The following NAV2 variants were observed in gnomAD, a reference collection of about 807,000 sequenced individuals.
The protein encoded by NAV2 is helicase, APC down-regulated 1.
A neutral mutation model predicts 223.2 loss-of-function variants in NAV2; 54 were observed. The ratio of observed to expected loss-of-function variants is 0.24; its 90% CI spans 0.19 to 0.30. The LOEUF (loss-of-function observed/expected upper bound fraction) is 0.30. Ranked by LOEUF, NAV2 falls within the 10% of genes least tolerant of loss-of-function variation. The pLI, the probability that NAV2 is intolerant of heterozygous loss-of-function variation, is 1.00. For synonymous variants in NAV2, 1,279 were observed against 1,239.3 expected (o/e 1.03, Z -0.67); for missense variants, 2,806 against 3,147.5 (o/e 0.89, Z 2.60).
chr11:19,451,693 G>A (rs751759487), intron 1 of NAV2, among the ~76,000 whole-genome samples: 45 of 152,238 alleles, frequency 3.0e-4, no homozygotes, highest in Admixed American at 1.0e-3. Flanking sequence ...CTGTCCTGAG[G>A]ATGTTTTAGC....
intron 1 of NAV2, among the ~76,000 whole-genome samples, chr11:19,821,901 A>G (rs2059399407): frequency 6.6e-6 from 1 of 152,170 alleles, no homozygotes; most frequent in African/African-American, 2.4e-5. Flanking sequence ...TGGGCCCCTC[A>G]GTAACAGTGT....
At chr11:19,489,008 C>A (rs564590133) in intron 1 of NAV2, among the ~76,000 whole-genome samples, 1 of 152,350 alleles carries the variant, frequency 6.6e-6, no homozygotes, top group African/African-American at 2.4e-5. Flanking sequence ...CATTGGGAAT[C>A]TGCTCTCAGG....
At chr11:19,805,137 G>T (rs550655088) in intron 1 of NAV2, among the ~76,000 whole-genome samples, 1 of 152,172 alleles carries the variant, frequency 6.6e-6, no homozygotes, top group Non-Finnish European at 1.5e-5. Context: ...GAATCTGGAT[G>T]CATGCTGACA....
At chr11:19,776,573 C>CA (rs2056179520) in intron 1 of NAV2, among the ~76,000 whole-genome samples, 2 of 78,440 alleles carry the variant, frequency 2.5e-5, no homozygotes, top group African/African-American at 1.6e-4. Flanking sequence ...TGGGCTGGGG[C>CA]AGGGGTGTGT....
chr11:19,866,846 C>T (rs546015162), intron 3 of NAV2, among the ~76,000 whole-genome samples: 2 of 152,012 alleles, frequency 1.3e-5, no homozygotes, highest in Non-Finnish European at 2.9e-5. Context: ...TAAGAGATTC[C>T]GGGATGGTGA....
chr11:19,589,679 C>T (rs1028352750), intron 1 of NAV2, among the ~76,000 whole-genome samples: 2 of 152,158 alleles, frequency 1.3e-5, no homozygotes, highest in African/African-American at 4.8e-5. Flanking sequence ...AAGTGAGGCT[C>T]CAGCCAAGAG....
At chr11:20,081,001 T>C (rs1385228860) in intron 25 of NAV2, among the ~76,000 whole-genome samples, 1 of 152,238 alleles carries the variant, frequency 6.6e-6, no homozygotes, top group Non-Finnish European at 1.5e-5. Context: ...GATCTGGAGT[T>C]GACCAGTGGC....
intron 23 of NAV2, 139 bp from the exon 24 acceptor site, chr11:20,077,854 T>C: frequency 1.4e-6 from 1 of 731,710 alleles, no homozygotes; most frequent in Admixed American, 2.6e-5. Flanking sequence ...TATGTGTTTG[T>C]TCATGCCTGT....
At position 19,880,060 on chromosome 11, in the gene NAV2, G is replaced by T. The variant is rs774384140; in HGVS notation, c.703G>T (p.Ala235Ser). 1 of 1,613,294 alleles carries T rather than the reference G, an allele frequency of 6.2e-7. No homozygotes were observed. Among genetic ancestry groups the T allele is most frequent in the South Asian group, 1.1e-5 (1 of 90,986 alleles). Residue 235 changes from alanine (A) to serine (S), a missense_variant, in exon 5 of 38, where the codon GCC becomes TCC. This residue lies in a region of NAV2 where 1,167 missense variants were observed against 1,180.5 expected (regional missense o/e 0.99). Coordinates refer to ENST00000349880, the MANE Select transcript of NAV2 (RefSeq NM_145117.5). Reference sequence around the variant, plus strand: ...GCAGCAGGTGCCAGTCACTCCCCAAGCCCCGTGCCAGCCTCACCAGCCAGC... The same window carrying T: ...GCAGCAGGTGCCAGTCACTCCCCAATCCCCGTGCCAGCCTCACCAGCCAGC... ...PQQQVPVTPQAPCQPHQPAPH... is the reference protein window; with the variant it reads ...PQQQVPVTPQSPCQPHQPAPH...
At chr11:19,823,044 T>C (rs1460367777) in intron 1 of NAV2, among the ~76,000 whole-genome samples, 1 of 152,154 alleles carries the variant, frequency 6.6e-6, no homozygotes, top group Non-Finnish European at 1.5e-5. Context: ...TATGTGCTCT[T>C]ACTTTATACA....
chr11:19,673,390 G>A (rs1590069104), intron 1 of NAV2, among the ~76,000 whole-genome samples: 1 of 152,206 alleles, frequency 6.6e-6, no homozygotes, highest in Admixed American at 6.5e-5. Context: ...TTTGACAGAT[G>A]AGGAAACAAA....
chr11:19,467,016 C>CAG (rs1215832023), intron 1 of NAV2, among the ~76,000 whole-genome samples: 2 of 88,968 alleles, frequency 2.2e-5, no homozygotes, highest in Admixed American at 9.7e-5. Flanking sequence ...CACACACACA[C>CAG]ACAGAGAGAG....
chr11:20,044,990 G>A lies in NAV2; in HGVS notation c.3222G>A (p.Val1074=), dbSNP rs374433978. 8.7e-6 allele frequency: 14 copies of A among 1,612,320 alleles called. No individual in the cohort carries two copies. The African/African-American group carries it at 1.9e-4, about 22-fold the overall frequency. The change falls in exon 14 of 38, where the codon GTG becomes GTA. Residue 1074 remains valine (V), a synonymous_variant. Transcript: ENST00000349880. ...TAGGAAAAACAGACGACGCAAAGGT[G>A]TCTGAGAAAGGAAGGCTTTCTCCTA... ...PGTGKTDDAK[V]SEKGRLSPKA...
intron 1 of NAV2, among the ~76,000 whole-genome samples, chr11:19,376,428 C>G (rs1277687445): frequency 6.6e-6 from 1 of 152,162 alleles, no homozygotes; most frequent in Non-Finnish European, 1.5e-5. Context: ...TTAGAAACCC[C>G]TACTGCAGAG....
intron 8 of NAV2, among the ~76,000 whole-genome samples, chr11:19,944,442 C>A (rs748504373): frequency 3.3e-5 from 5 of 151,676 alleles, no homozygotes; most frequent in African/African-American, 4.8e-5. Flanking sequence ...TTTTGCTTTC[C>A]TTTCCTTTTC....
At chr11:19,726,012 C>T (rs2051206206) in intron 1 of NAV2, among the ~76,000 whole-genome samples, 1 of 152,172 alleles carries the variant, frequency 6.6e-6, no homozygotes, top group Non-Finnish European at 1.5e-5. Context: ...TCGACCTCTG[C>T]CTGGCTCTGC....
rs1342057556 is a variant in NAV2 at position 20,120,111 on chromosome 11, T to G, written c.*1853T>G. The G allele has an allele frequency of 6.6e-6, 1 of 152,228 alleles. No individual in the cohort carries two copies. Among genetic ancestry groups the G allele is most frequent in the Non-Finnish European group, 1.5e-5 (1 of 68,032 alleles). The allele number at this position is 152,228 out of a possible 1,614,324, so 9.4% of individuals were successfully genotyped here. Reference sequence around the variant, plus strand: ...ATGATCAGGGTTTTTATTCCATCTTTTGCATTTCTTCTATTTCTGAAGGTT... The same window carrying G: ...ATGATCAGGGTTTTTATTCCATCTTGTGCATTTCTTCTATTTCTGAAGGTT... On this transcript the variant is annotated 3_prime_UTR_variant, in exon 38 of 38. Coordinates refer to ENST00000349880, the MANE Select transcript of NAV2 (RefSeq NM_145117.5).
At position 19,619,794 on chromosome 11, in the gene NAV2, G is replaced by T. The variant is rs1413819157; in HGVS notation, c.76-212690G>T. On this transcript the variant is annotated intron_variant, in intron 1 of 37. Transcript: ENST00000360655. ...ACCCCATTTGTCAATTTTGTCTTTT[G>T]TTGCCATTGCTTTTGGTGTTTTAGT... Among the ~76,000 whole-genome samples the T allele has an allele frequency of 2.6e-5, 4 of 152,156 alleles. No homozygotes were observed. The East Asian group carries it at 7.7e-4, about 29-fold the overall frequency.
In NAV2 at chr11:19,894,685, G is replaced by A. The variant is rs536124311; in HGVS notation, c.931+2091G>A. On this transcript the variant is annotated intron_variant, in intron 6 of 37. Coordinates refer to ENST00000349880, the MANE Select transcript of NAV2 (RefSeq NM_145117.5). ...TGGTGCAAATTCCAGTAGAGGCAATGCCCCAGGGAAAGACTTTAGTGTCAG... is the reference window on the plus strand; with the variant it reads ...TGGTGCAAATTCCAGTAGAGGCAATACCCCAGGGAAAGACTTTAGTGTCAG... Among the ~76,000 whole-genome samples, 117 of 152,302 alleles carry A rather than the reference G, an allele frequency of 7.7e-4. 1 individual carries two copies. In the South Asian group the frequency reaches 0.023, roughly 30 times the overall value.
Sources: allele counts gnomAD v4.1 joint callset (sites outside exome capture counted in the v4.1 genomes callset), GRCh38; gene constraint gnomAD v4.1.1; regional missense constraint gnomAD v4.1.1; transcripts MANE v1.5; gene names NCBI Gene and HGNC (gene_info 2026-07-23, HGNC 2026-07-21).